Variants in SEL1L3 observed in about 807,000 individuals in gnomAD.
The protein encoded by SEL1L3 is protein sel-1 homolog 3.
In SEL1L3, 76 loss-of-function variants were observed where a neutral mutation model predicts 142.8. The observed-to-expected ratio is 0.53, with a 90% CI of 0.44 to 0.64. The LOEUF is 0.64. Among genes scored for constraint, SEL1L3 ranks in the 30% least tolerant of loss-of-function variants. SEL1L3 has a pLI of 0.00. For missense variants in SEL1L3, 1,262 were observed against 1,381.7 expected (o/e 0.91, Z 1.37); for synonymous variants, 504 against 519.6 (o/e 0.97, Z 0.41).
chr4:25,818,217 T>G lies in SEL1L3; in HGVS notation c.1485A>C (p.Arg495Ser). 6.2e-7 allele frequency: 1 copy of G among 1,604,812 alleles called. No homozygotes were observed. Among genetic ancestry groups the G allele is most frequent in the Non-Finnish European group, 8.5e-7 (1 of 1,175,594 alleles). ...TCAGCTCCTTCTCCCAGGGGAAGGC[T>G]CTGCACATCGAGGGTCTCCCATACC... ...QRRYGRPSMCRAFPWEKELKD... is the reference protein window; with the variant it reads ...QRRYGRPSMCSAFPWEKELKD... The change falls in exon 9 of 24, where the codon AGA becomes AGC. Residue 495 changes from arginine (R) to serine (S), a missense_variant. Around this residue, in one of 3 missense-constraint regions of SEL1L3, gnomAD observed 689 missense variants for 692.8 expected, o/e 0.99. Coordinates refer to ENST00000399878, the MANE Select transcript of SEL1L3 (RefSeq NM_015187.5).
At chr4:25,775,672 G>C (rs1405862000) in intron 17 of SEL1L3, among the ~76,000 whole-genome samples, 2 of 152,156 alleles carry the variant, frequency 1.3e-5, no homozygotes, top group Admixed American at 6.5e-5. Flanking sequence ...AGCAAACAGG[G>C]AACATTTGTG....
chr4:25,831,333 C>A (rs993532710), intron 5 of SEL1L3, among the ~76,000 whole-genome samples: 2 of 151,720 alleles, frequency 1.3e-5, no homozygotes, highest in Non-Finnish European at 2.9e-5. Flanking sequence ...TGTCTGCTAA[C>A]CCCCAATAAC....
intron 11 of SEL1L3, among the ~76,000 whole-genome samples, chr4:25,792,053 T>C (rs538423143): frequency 6.6e-6 from 1 of 152,150 alleles, no homozygotes; most frequent in African/African-American, 2.4e-5. Flanking sequence ...GATTTGGTGA[T>C]TGTGCTAGGC....
chr4:25,714,216 G>A, the SEL1L3 span, among the ~76,000 whole-genome samples: 1 of 152,132 alleles, frequency 6.6e-6, no homozygotes, highest in Non-Finnish European at 1.5e-5. Context: ...AGTAGCTGAA[G>A]CCCCATGGGA....
At chr4:25,739,321 T>C in the SEL1L3 span, among the ~76,000 whole-genome samples, 2 of 152,204 alleles carry the variant, frequency 1.3e-5, no homozygotes, top group East Asian at 3.9e-4. Flanking sequence ...CATAGAGATG[T>C]TGCTAAACAT....
chr4:25,749,095 G>A (rs887286517), intron 23 of SEL1L3, among the ~76,000 whole-genome samples: 1 of 152,158 alleles, frequency 6.6e-6, no homozygotes, highest in Non-Finnish European at 1.5e-5. Flanking sequence ...GGTTGGACAA[G>A]CCTCATTTAT....
In SEL1L3 at chr4:25,804,544, C is replaced by A. The variant is rs756691778; in HGVS notation, c.1773G>T (p.Leu591=). The change falls in exon 10 of 24, where the codon CTG becomes CTT. Residue 591 remains leucine, a synonymous_variant. Coordinates refer to ENST00000399878, the MANE Select transcript of SEL1L3 (RefSeq NM_015187.5). The part of the protein sequence containing the change: ...ETGLNVPRDQ[L]QGMLYSLVGG... The stretch of plus-strand genomic sequence containing the variant: ...ATGGAGCAATGAAATACTCTACCTG[C>A]AGCTGATCCCGAGGAACATTTAATC... 3.3e-5 allele frequency: 53 copies of A among 1,605,412 alleles called. No individual in the cohort carries two copies. In the Admixed American group the frequency reaches 7.1e-4, roughly 21 times the overall value.
the SEL1L3 span, among the ~76,000 whole-genome samples, chr4:25,735,926 T>G: frequency 6.7e-6 from 1 of 148,306 alleles, no homozygotes; most frequent in East Asian, 2.0e-4. Flanking sequence ...ACCTCCCGGG[T>G]TCATGCCATT....
chr4:25,828,766 G>A (rs1049783316), intron 6 of SEL1L3, among the ~76,000 whole-genome samples: 4 of 151,998 alleles, frequency 2.6e-5, no homozygotes, highest in Non-Finnish European at 2.9e-5. Context: ...CTTCCCTTTC[G>A]TTAATAATCA....
At chr4:25,811,459 A>G (rs1161677654) in intron 9 of SEL1L3, among the ~76,000 whole-genome samples, 1 of 152,152 alleles carries the variant, frequency 6.6e-6, no homozygotes, top group Non-Finnish European at 1.5e-5. Flanking sequence ...GAAGCAGAGT[A>G]AGTCCATAGA....
intron 20 of SEL1L3, among the ~76,000 whole-genome samples, chr4:25,761,534 T>G (rs1015878804): frequency 6.6e-6 from 1 of 152,172 alleles, no homozygotes; most frequent in Non-Finnish European, 1.5e-5. Flanking sequence ...AGTAGGGGAA[T>G]AGTCGTATGC....
At chr4:25,755,225 A>G (rs564570985) in intron 23 of SEL1L3, among the ~76,000 whole-genome samples, 1 of 152,138 alleles carries the variant, frequency 6.6e-6, no homozygotes, top group East Asian at 1.9e-4. Context: ...CCAGGACTGC[A>G]GGCATGTGCA....
the SEL1L3 span, among the ~76,000 whole-genome samples, chr4:25,729,135 C>T: frequency 4.5e-4 from 68 of 152,238 alleles, no homozygotes; most frequent in Middle Eastern, 0.01. Context: ...CAAGGCTGGA[C>T]TCCCCTCTCG....
intron 23 of SEL1L3, chr4:25,755,828 A>G: frequency 1.0e-6 from 1 of 964,282 alleles, no homozygotes; most frequent in Non-Finnish European, 1.2e-6. Context: ...TGTAATAATC[A>G]TCACAATATT....
chr4:25,818,108 C>A, intron 9 of SEL1L3, 30 bp downstream of exon 9: 1 of 1,603,350 alleles, frequency 6.2e-7, no homozygotes, highest in South Asian at 1.1e-5. Flanking sequence ...TTCTAACCAG[C>A]GCCTAAAGCC....
intron 13 of SEL1L3, among the ~76,000 whole-genome samples, chr4:25,786,985 G>C (rs58611399): frequency 2.2e-3 from 337 of 152,260 alleles, no homozygotes; most frequent in African/African-American, 7.9e-3. Context: ...CTTTTTGGGG[G>C]CAGCTGCTTT....
intron 11 of SEL1L3, among the ~76,000 whole-genome samples, chr4:25,801,706 G>A (rs1207013795): frequency 6.6e-6 from 1 of 152,082 alleles, no homozygotes; most frequent in Admixed American, 6.5e-5. Context: ...TCTGGGATAG[G>A]GTGGAGTCTT....
intron 5 of SEL1L3, among the ~76,000 whole-genome samples, chr4:25,831,507 AATAATTATTATTATT>A (rs1445020154): frequency 3.6e-5 from 4 of 112,200 alleles, no homozygotes; most frequent in South Asian, 2.6e-4. Flanking sequence ...TAATAATAAT[AATAATTATTATTATT>A]ATTATTATTA....
In SEL1L3 at chr4:25,788,083, A is replaced by G; in HGVS notation, c.2217+141T>C. ...TTCTGACTCTGCCTTTTTAGCCAAC[A>G]TTCTTTTCCATCAAGAGTGACAGAA... On this transcript the variant is annotated intron_variant, in intron 13 of 23. Coordinates refer to ENST00000399878, the MANE Select transcript of SEL1L3 (RefSeq NM_015187.5). This position sits in a 1 kb window ranked among gnomAD's most constrained non-coding sequence, Gnocchi z 5.3. The G allele has an allele frequency of 1.2e-6, 1 of 807,590 alleles. No individual in the cohort carries two copies. The highest frequency in any genetic ancestry group is 1.7e-5 in the South Asian group (1 of 59,770). The allele number at this position is 807,590 out of a possible 1,614,324, so 50.0% of individuals were successfully genotyped here. A position where few individuals can be genotyped will look rare whatever the true frequency, so the allele number is the denominator to read the frequency against.
Sources: gnomAD v4.1 joint callset for allele counts (sites outside exome capture counted in the v4.1 genomes callset) on GRCh38, gnomAD v4.1.1 for gene constraint, gnomAD v4.1.1 regional missense constraint, Gnocchi (gnomAD v3.1) non-coding constraint, MANE v1.5 for transcripts, NCBI Gene and HGNC (gene_info 2026-07-23, HGNC 2026-07-21) for gene names.